Variants in IL1RAPL1 observed in about 807,000 individuals in gnomAD.
The protein encoded by IL1RAPL1 is interleukin-1 receptor accessory protein-like 1.
IL1RAPL1 carries 3 observed loss-of-function variants against 48.4 expected under a neutral mutation model. The observed-to-expected ratio is 0.06, with a 90% CI of 0.03 to 0.16. The LOEUF is 0.16. Among genes scored for constraint, IL1RAPL1 ranks in the 10% least tolerant of loss-of-function variants. IL1RAPL1 has a pLI of 1.00. For missense variants in IL1RAPL1, 349 were observed against 530.6 expected, an observed-to-expected ratio of 0.66 and a Z score of 3.36; for synonymous variants, 185 against 187.7, an observed-to-expected ratio of 0.99 and a Z score of 0.12.
intron 5 of IL1RAPL1, among the ~76,000 whole-genome samples, chrX:29,404,913 G>GTTTGT (rs1375936894): frequency 4.6e-5 from 2 of 43,032 alleles, no homozygotes; most frequent in Admixed American, 6.5e-4. Context: ...TTGTTTGTTT[G>GTTTGT]TTTGTTTTGT....
chrX:29,215,193 C>CA (rs1393920711), intron 2 of IL1RAPL1, among the ~76,000 whole-genome samples: 4 of 109,419 alleles, frequency 3.7e-5, no homozygotes, highest in African/African-American at 1.3e-4. Context: ...ACTAAAAATA[C>CA]AAAAAAAATT....
chrX:28,958,272 C>G (rs1219992276), intron 2 of IL1RAPL1, among the ~76,000 whole-genome samples: 1 of 111,595 alleles, frequency 9.0e-6, no homozygotes, highest in Non-Finnish European at 1.9e-5. Flanking sequence ...ATCTTCAACC[C>G]TGCCCAGTCA....
At chrX:29,871,964 G>T (rs1212300324) in intron 6 of IL1RAPL1, among the ~76,000 whole-genome samples, 1 of 110,953 alleles carries the variant, frequency 9.0e-6, no homozygotes, top group Non-Finnish European at 1.9e-5. Context: ...CTTGTGATCC[G>T]CCCGCCTCAG....
chrX:29,462,481 A>G (rs757054725), intron 5 of IL1RAPL1, among the ~76,000 whole-genome samples: 7 of 111,565 alleles, frequency 6.3e-5, no homozygotes, highest in East Asian at 5.6e-4. Flanking sequence ...ACCTGGCACT[A>G]TGGTCTGTGA....
chrX:29,854,225 A>G (rs2147200301), intron 6 of IL1RAPL1, among the ~76,000 whole-genome samples: 1 of 111,847 alleles, frequency 8.9e-6, no homozygotes. Context: ...AGCTTACAAA[A>G]GAGAGAAAAA....
chrX:29,430,759 G>A (rs1934413047), intron 5 of IL1RAPL1, among the ~76,000 whole-genome samples: 1 of 109,674 alleles, frequency 9.1e-6, no homozygotes, highest in African/African-American at 3.3e-5. Context: ...GTGTGTATAT[G>A]TATATATAAA....
At chrX:29,555,386 C>T (rs764802417) in intron 5 of IL1RAPL1, among the ~76,000 whole-genome samples, 1 of 112,250 alleles carries the variant, frequency 8.9e-6, no homozygotes, top group South Asian at 3.7e-4. Context: ...TTGTAGTCTC[C>T]TGATGCCTCA....
intron 1 of IL1RAPL1, among the ~76,000 whole-genome samples, chrX:28,656,420 T>G (rs747354725): frequency 9.0e-6 from 1 of 111,313 alleles, no homozygotes; most frequent in East Asian, 2.9e-4. Flanking sequence ...TTTTTCACTT[T>G]TTCATATATT....
At chrX:29,854,888 C>T (rs1382491962) in intron 6 of IL1RAPL1, among the ~76,000 whole-genome samples, 1 of 104,328 alleles carries the variant, frequency 9.6e-6, no homozygotes, top group Non-Finnish European at 1.9e-5. Context: ...ACCAGCCTGA[C>T]CAAATAGCAC....
intron 6 of IL1RAPL1, among the ~76,000 whole-genome samples, chrX:29,900,505 A>G (rs1445688592): frequency 9.0e-6 from 1 of 111,643 alleles, no homozygotes; most frequent in Non-Finnish European, 1.9e-5. Context: ...AGCAAAACAA[A>G]TCATTCTAAG....
chrX:28,706,154 A>G (rs1380812886), intron 1 of IL1RAPL1, among the ~76,000 whole-genome samples: 1 of 111,727 alleles, frequency 9.0e-6, no homozygotes, highest in Non-Finnish European at 1.9e-5. Flanking sequence ...GTCCCATAAG[A>G]TTATAATGCT....
At chrX:28,705,954 C>T (rs1331389337) in intron 1 of IL1RAPL1, among the ~76,000 whole-genome samples, 1 of 111,557 alleles carries the variant, frequency 9.0e-6, no homozygotes, top group African/African-American at 3.3e-5. Flanking sequence ...TGTGGTCAAA[C>T]GTTTTTGATG....
chrX:29,693,596 T>C (rs992360715), intron 6 of IL1RAPL1, among the ~76,000 whole-genome samples: 2 of 112,133 alleles, frequency 1.8e-5, no homozygotes, highest in African/African-American at 6.5e-5. Context: ...CATAGAGGAT[T>C]TATGAGCTTG....
chrX:29,617,978 A>G (rs1396551246), intron 5 of IL1RAPL1, among the ~76,000 whole-genome samples: 3 of 111,721 alleles, frequency 2.7e-5, no homozygotes, highest in African/African-American at 9.8e-5. Flanking sequence ...TAAAGATCCA[A>G]TCTTTCTACC....
intron 1 of IL1RAPL1, among the ~76,000 whole-genome samples, chrX:28,738,531 C>T (rs1935872415): frequency 9.0e-6 from 1 of 110,717 alleles, no homozygotes; most frequent in Non-Finnish European, 1.9e-5. Context: ...CAAAAGAAGA[C>T]CTCACTGAGA....
chrX:29,362,000 G>T (rs1933383113), intron 3 of IL1RAPL1, among the ~76,000 whole-genome samples: 1 of 112,116 alleles, frequency 8.9e-6, no homozygotes, highest in Non-Finnish European at 1.9e-5. Context: ...ATGAGGGCAA[G>T]TGATAAAAAA....
At chrX:29,759,115 T>A (rs1928692734) in intron 6 of IL1RAPL1, among the ~76,000 whole-genome samples, 1 of 112,496 alleles carries the variant, frequency 8.9e-6, no homozygotes, top group Non-Finnish European at 1.9e-5. Flanking sequence ...CATAACTTAT[T>A]TTGAAGATGT....
At chrX:28,755,092 CA>C (rs1019011719) in intron 1 of IL1RAPL1, among the ~76,000 whole-genome samples, 1 of 111,579 alleles carries the variant, frequency 9.0e-6, no homozygotes, top group African/African-American at 3.3e-5. Context: ...CTCCCGGGTT[CA>C]AGCGATTCTC....
At chrX:29,532,479 A>G in intron 5 of IL1RAPL1, among the ~76,000 whole-genome samples, 1 of 111,771 alleles carries the variant, frequency 8.9e-6, no homozygotes, top group Non-Finnish European at 1.9e-5. Context: ...TTGTAGCTAA[A>G]TTGATGCAGG....
Sources: gnomAD v4.1 joint callset for allele counts (sites outside exome capture counted in the v4.1 genomes callset) on GRCh38, gnomAD v4.1.1 for gene constraint, MANE v1.5 for transcripts, NCBI Gene and HGNC (gene_info 2026-07-23, HGNC 2026-07-21) for gene names.